The following CHD1L variants were observed in gnomAD, a reference collection of about 807,000 sequenced individuals.
CHD1L encodes the protein ATP-dependent chromatin remodeler CHD1L.
CHD1L carries 118 observed loss-of-function variants against 115.9 expected under a neutral mutation model. The ratio of observed to expected loss-of-function variants is 1.02; its 90% CI spans 0.88 to 1.19. The LOEUF (loss-of-function observed/expected upper bound fraction) is 1.19, where lower values mean the gene tolerates loss of function less well. Among genes scored for constraint, CHD1L ranks in the 50% most tolerant of loss-of-function variants. The pLI is 0.00. For missense variants in CHD1L, 1,179 were observed against 1,065.3 expected, an observed-to-expected ratio of 1.11 and a Z score of -1.49; for synonymous variants, 411 against 387.1, an observed-to-expected ratio of 1.06 and a Z score of -0.72.
the CHD1L span, among the ~76,000 whole-genome samples, chr1:147,237,558 C>A: frequency 6.6e-6 from 1 of 152,186 alleles, no homozygotes. Context: ...CAGAAGGAGG[C>A]AGGGCCTCCA....
chr1:147,208,797 G>C, the CHD1L span: 1 of 1,447,976 alleles, frequency 6.9e-7, no homozygotes, highest in Non-Finnish European at 9.7e-7. Context: ...AGTGTGAAGA[G>C]TCCTTATTCT....
the CHD1L span, chr1:147,201,190 G>C: frequency 6.2e-7 from 1 of 1,613,986 alleles, no homozygotes; most frequent in Non-Finnish European, 8.5e-7. Flanking sequence ...TTGGAGCTCT[G>C]AAATGGGCAT....
chr1:147,187,516 G>A, the CHD1L span, among the ~76,000 whole-genome samples: 3 of 152,238 alleles, frequency 2.0e-5, no homozygotes, highest in South Asian at 2.1e-4. Flanking sequence ...AGCTGTAATC[G>A]TTAGGTTCTT....
chr1:147,248,219 T>TTC, intron 1 of CHD1L, among the ~76,000 whole-genome samples: 1 of 152,030 alleles, frequency 6.6e-6, no homozygotes, highest in East Asian at 1.9e-4. Flanking sequence ...TATTTTTTTT[T>TTC]TCTTTGAGAC....
Position 147,254,901 on chromosome 1 carries a change from G to A in CHD1L, c.272G>A (p.Arg91Lys). Residue 91 changes from arginine to lysine, a missense_variant, in exon 3 of 23, where the codon AGA (arginine) becomes AAA (lysine). Arg to Lys is a conservative substitution (Grantham distance 26, BLOSUM62 2). Transcript: ENST00000369258. Reference protein sequence around the residue: ...TIALFIYLAGRLNDEGPFLIL... With the variant: ...TIALFIYLAGKLNDEGPFLIL... Reference sequence around the variant, plus strand: ...GCTCTCTTCATTTATTTGGCAGGAAGATTAAATGATGAAGGGCCATTTCTG... The same window carrying A: ...GCTCTCTTCATTTATTTGGCAGGAAAATTAAATGATGAAGGGCCATTTCTG... 1 of 1,607,316 alleles carries A rather than the reference G, an allele frequency of 6.2e-7. No homozygotes were observed.
chr1:147,186,846 A>G, the CHD1L span: 12 of 1,550,034 alleles, frequency 7.7e-6, no homozygotes, highest in Non-Finnish European at 1.0e-5. Context: ...CAGATTCTGA[A>G]GGCATCTGTA....
the CHD1L span, chr1:147,173,690 C>T: frequency 3.9e-4 from 59 of 152,316 alleles, no homozygotes; most frequent in African/African-American, 1.1e-3. Context: ...ACGTTTATCA[C>T]TCTGTGTTAC....
At chr1:147,247,876 C>A (rs1347368226) in intron 1 of CHD1L, among the ~76,000 whole-genome samples, 3 of 152,186 alleles carry the variant, frequency 2.0e-5, no homozygotes, top group African/African-American at 7.2e-5. Flanking sequence ...CCTTCTCTAG[C>A]CAGCTTCCTC....
intron 12 of CHD1L, among the ~76,000 whole-genome samples, chr1:147,272,816 C>G (rs1553954407): frequency 6.6e-6 from 1 of 150,540 alleles, no homozygotes; most frequent in African/African-American, 2.4e-5. Context: ...AATGCTTTAC[C>G]AGTTACAGAG....
At chr1:147,214,466 C>A in the CHD1L span, among the ~76,000 whole-genome samples, 84 of 148,300 alleles carry the variant, frequency 5.7e-4, no homozygotes, top group Non-Finnish European at 8.6e-4. Flanking sequence ...AAACAAAAAA[C>A]AAAAAAAAAA....
At chr1:147,250,439 C>T (rs1668048929) in intron 1 of CHD1L, among the ~76,000 whole-genome samples, 1 of 152,138 alleles carries the variant, frequency 6.6e-6, no homozygotes, top group Non-Finnish European at 1.5e-5. Flanking sequence ...CCAGGCTCCC[C>T]CTTCAGCCTC....
chr1:147,225,095 G>A, the CHD1L span: 17 of 1,609,570 alleles, frequency 1.1e-5, no homozygotes, highest in African/African-American at 1.7e-4. Flanking sequence ...AAGACAAAAA[G>A]CACACATCGG....
chr1:147,187,333 C>G, the CHD1L span: 1 of 889,508 alleles, frequency 1.1e-6, no homozygotes. Context: ...CTGCTATTGG[C>G]TCAATATCAG....
chr1:147,271,634 C>T (rs1177546925), intron 11 of CHD1L, among the ~76,000 whole-genome samples: 1 of 152,150 alleles, frequency 6.6e-6, no homozygotes, highest in Non-Finnish European at 1.5e-5. Flanking sequence ...GTCCAGTGGA[C>T]ACTTGCAGAA....
intron 2 of CHD1L, among the ~76,000 whole-genome samples, chr1:147,254,408 G>C (rs1669375152): frequency 6.6e-6 from 1 of 152,140 alleles, no homozygotes; most frequent in Non-Finnish European, 1.5e-5. Flanking sequence ...GTGGGAGGAA[G>C]TGAGGGAGGA....
chr1:147,211,872 A>G, the CHD1L span, among the ~76,000 whole-genome samples: 1 of 152,222 alleles, frequency 6.6e-6, no homozygotes, highest in African/African-American at 2.4e-5. Context: ...TGGACGCTAT[A>G]CGGATACCCA....
At chr1:147,287,545 C>A in intron 18 of CHD1L, 90 bp from the exon 19 acceptor site, 1 of 842,032 alleles carries the variant, frequency 1.2e-6, no homozygotes. Context: ...AATCATTCTT[C>A]CACAAGTCCC....
At chr1:147,233,695 C>T in the CHD1L span, among the ~76,000 whole-genome samples, 3 of 152,022 alleles carry the variant, frequency 2.0e-5, no homozygotes, top group Non-Finnish European at 2.9e-5. Context: ...GGATGGTTGC[C>T]GTGTCTGTGT....
the CHD1L span, chr1:147,209,961 G>C: frequency 4.6e-5 from 7 of 152,164 alleles, no homozygotes; most frequent in Admixed American, 4.6e-4. Context: ...CTTCAAATGT[G>C]TTTTCTCAAG....
Sources: allele counts gnomAD v4.1 joint callset (sites outside exome capture counted in the v4.1 genomes callset), GRCh38; gene constraint gnomAD v4.1.1; transcripts MANE v1.5; gene names NCBI Gene and HGNC (gene_info 2026-07-23, HGNC 2026-07-21).